The following CSMD1 variants were observed in gnomAD, a reference collection of about 807,000 sequenced individuals.
The protein encoded by CSMD1 is CUB and sushi domain-containing protein 1.
Under a neutral mutation model 417.5 loss-of-function variants are expected in CSMD1, and 213 were observed. The observed-to-expected ratio is 0.51, with a 90% CI of 0.46 to 0.57. The LOEUF (loss-of-function observed/expected upper bound fraction) is 0.57, where lower values mean the gene tolerates loss of function less well. Among genes scored for constraint, CSMD1 ranks in the 20% least tolerant of loss-of-function variants. The pLI, the probability that CSMD1 is intolerant of heterozygous loss-of-function variation, is 0.00. For synonymous variants in CSMD1, 2,862 were observed against 1,736.8 expected, an observed-to-expected ratio of 1.65 and a Z score of -16.11; for missense variants, 6,923 against 4,529.7, an observed-to-expected ratio of 1.53 and a Z score of -15.17.
intron 41 of CSMD1, among the ~76,000 whole-genome samples, chr8:3,120,862 A>C (rs965969014): frequency 2.6e-5 from 4 of 152,060 alleles, no homozygotes. Context: ...ATAAATAACA[A>C]TATGCAATGC....
intron 2 of CSMD1, among the ~76,000 whole-genome samples, chr8:4,554,745 C>G (rs1476575426): frequency 1.3e-5 from 2 of 152,192 alleles, no homozygotes; most frequent in Non-Finnish European, 2.9e-5. Flanking sequence ...TGTATTCGAA[C>G]TTTATTGAGT....
intron 3 of CSMD1, among the ~76,000 whole-genome samples, chr8:4,388,748 A>T (rs1407077214): frequency 1.3e-5 from 2 of 152,210 alleles, no homozygotes; most frequent in Non-Finnish European, 2.9e-5. Flanking sequence ...GAAAAAAGTA[A>T]AAATAAAATA....
intron 15 of CSMD1, among the ~76,000 whole-genome samples, chr8:3,403,646 T>C (rs1812173553): frequency 6.6e-6 from 1 of 152,186 alleles, no homozygotes; most frequent in African/African-American, 2.4e-5. Flanking sequence ...GCTTGACTTG[T>C]GGCCAGGACA....
chr8:4,263,882 A>G (rs1804055543), intron 3 of CSMD1, among the ~76,000 whole-genome samples: 1 of 152,208 alleles, frequency 6.6e-6, no homozygotes, highest in Non-Finnish European at 1.5e-5. Context: ...CAGAATGCTC[A>G]GAACAATTAT....
intron 3 of CSMD1, among the ~76,000 whole-genome samples, chr8:4,284,150 C>G (rs990696212): frequency 2.0e-5 from 3 of 152,000 alleles, no homozygotes; most frequent in Non-Finnish European, 4.4e-5. Context: ...GGTGGATCAC[C>G]TGAGGTCAGG....
chr8:3,997,386 T>G (rs983071318), intron 5 of CSMD1, among the ~76,000 whole-genome samples: 1 of 151,838 alleles, frequency 6.6e-6, no homozygotes, highest in African/African-American at 2.4e-5. Flanking sequence ...TTTATACATA[T>G]AGTGGACTAA....
At chr8:3,471,398 G>A (rs1396814154) in intron 11 of CSMD1, among the ~76,000 whole-genome samples, 1 of 151,996 alleles carries the variant, frequency 6.6e-6, no homozygotes, top group East Asian at 1.9e-4. Context: ...GTCAATTTTG[G>A]TTCCACATGC....
At chr8:3,936,560 G>C (rs569950817) in intron 5 of CSMD1, among the ~76,000 whole-genome samples, 6 of 152,066 alleles carry the variant, frequency 3.9e-5, no homozygotes, top group Admixed American at 1.3e-4. Context: ...CAACAAAGCC[G>C]GGAAGATAGC....
intron 5 of CSMD1, among the ~76,000 whole-genome samples, chr8:3,853,399 C>T (rs886912800): frequency 1.3e-5 from 2 of 152,080 alleles, no homozygotes; most frequent in Non-Finnish European, 2.9e-5. Flanking sequence ...GTATAGCACG[C>T]TCTATAATTT....
intron 3 of CSMD1, among the ~76,000 whole-genome samples, chr8:4,155,830 A>G (rs538858859): frequency 2.0e-5 from 3 of 152,268 alleles, no homozygotes; most frequent in African/African-American, 7.2e-5. Context: ...AGTCAATTAA[A>G]TCCTCTTAAA....
At chr8:4,836,463 T>C (rs1316291286) in intron 1 of CSMD1, among the ~76,000 whole-genome samples, 1 of 152,192 alleles carries the variant, frequency 6.6e-6, no homozygotes, top group African/African-American at 2.4e-5. Context: ...TGCTGTTCCA[T>C]AGGACTGGCG....
intron 5 of CSMD1, among the ~76,000 whole-genome samples, chr8:3,781,352 C>T (rs549418673): frequency 6.6e-6 from 1 of 152,024 alleles, no homozygotes; most frequent in Non-Finnish European, 1.5e-5. Flanking sequence ...AACACGGAGT[C>T]TAGGGTCAGG....
chr8:3,378,925 C>T (rs11136616), intron 18 of CSMD1, among the ~76,000 whole-genome samples: 70,999 of 151,946 alleles, frequency 0.47, 16,810 homozygotes, highest in Middle Eastern at 0.48. Context: ...AGAAAGAAAA[C>T]GCATTCAAAT....
chr8:4,760,635 T>A (rs893197341), intron 1 of CSMD1, among the ~76,000 whole-genome samples: 2 of 152,218 alleles, frequency 1.3e-5, no homozygotes, highest in African/African-American at 4.8e-5. Context: ...AATATTGTTG[T>A]ATAAGTATGC....
chr8:3,254,451 T>A (rs1481145880), intron 26 of CSMD1, among the ~76,000 whole-genome samples: 5 of 152,192 alleles, frequency 3.3e-5, no homozygotes, highest in Non-Finnish European at 4.4e-5. Context: ...GTTCTCCTGG[T>A]TTATATCCTG....
chr8:4,181,143 A>T (rs1044509317), intron 3 of CSMD1, among the ~76,000 whole-genome samples: 1 of 152,148 alleles, frequency 6.6e-6, no homozygotes, highest in Non-Finnish European at 1.5e-5. Flanking sequence ...ACAGCCATCT[A>T]TTTTGGTGTA....
At chr8:3,118,326 GTTCAT>G (rs1177773692) in intron 42 of CSMD1, 68 bp downstream of exon 42, 3 of 1,050,590 alleles carry the variant, frequency 2.9e-6, no homozygotes, top group Non-Finnish European at 4.2e-6. Context: ...TACTGGATAT[GTTCAT>G]TTAATATTTA....
At chr8:4,942,245 G>T (rs5004550) in intron 1 of CSMD1, among the ~76,000 whole-genome samples, 77,746 of 151,760 alleles carry the variant, frequency 0.51, 21,189 homozygotes, top group East Asian at 0.79. Context: ...TTTTTTCCCT[G>T]TTCTGAAATC....
chr8:3,417,988 C>G (rs917207113), intron 12 of CSMD1, among the ~76,000 whole-genome samples: 8 of 152,164 alleles, frequency 5.3e-5, no homozygotes, highest in African/African-American at 1.9e-4. Flanking sequence ...GTGACATAAG[C>G]CCAGAAAGTA....
Sources: gnomAD v4.1 joint callset for allele counts (sites outside exome capture counted in the v4.1 genomes callset) on GRCh38, gnomAD v4.1.1 for gene constraint, MANE v1.5 for transcripts, NCBI Gene and HGNC (gene_info 2026-07-23, HGNC 2026-07-21) for gene names.